Variants in CDH13 observed in about 807,000 individuals in gnomAD.
CDH13 encodes the protein cadherin 13, also known as cadherin-13.
In CDH13, 24 loss-of-function variants were observed where a neutral mutation model predicts 63.8. That is an observed-to-expected ratio of 0.38 (90% CI 0.27 to 0.53). CDH13 has a LOEUF of 0.53. Among genes scored for constraint, CDH13 ranks in the 20% least tolerant of loss-of-function variants. CDH13 has a pLI of 0.85. For missense variants in CDH13, 1,049 were observed against 903.1 expected (o/e 1.16, Z -2.07); for synonymous variants, 503 against 355.3 (o/e 1.42, Z -4.67).
intron 10 of CDH13, among the ~76,000 whole-genome samples, chr16:83,689,988 C>A (rs1904687683): frequency 6.6e-6 from 1 of 152,160 alleles, no homozygotes; most frequent in Non-Finnish European, 1.5e-5. Context: ...GAATTTGAGA[C>A]CAGCCTGACC....
chr16:82,860,130 AT>A (rs1052384128), intron 2 of CDH13, among the ~76,000 whole-genome samples: 3 of 151,480 alleles, frequency 2.0e-5, no homozygotes, highest in African/African-American at 4.9e-5. Flanking sequence ...TCTTCCTTTT[AT>A]TTTTTTTCCA....
At chr16:82,713,566 G>C (rs1341394019) in intron 1 of CDH13, among the ~76,000 whole-genome samples, 1 of 152,110 alleles carries the variant, frequency 6.6e-6, no homozygotes, top group African/African-American at 2.4e-5. Context: ...TACGGACTCA[G>C]AGGTTGCAGA....
intron 3 of CDH13, among the ~76,000 whole-genome samples, chr16:83,087,493 C>G (rs888168315): frequency 6.6e-6 from 1 of 151,926 alleles, no homozygotes; most frequent in Non-Finnish European, 1.5e-5. Context: ...CATGTCGAAA[C>G]CCTGTGTCTA....
At chr16:83,226,865 A>G (rs369442634) in intron 5 of CDH13, among the ~76,000 whole-genome samples, 1 of 152,148 alleles carries the variant, frequency 6.6e-6, no homozygotes, top group African/African-American at 2.4e-5. Context: ...GGGACCATCC[A>G]TTCCAGCTCC....
At chr16:83,080,434 A>ATCC (rs892209662) in intron 3 of CDH13, among the ~76,000 whole-genome samples, 3 of 152,114 alleles carry the variant, frequency 2.0e-5, no homozygotes, top group Non-Finnish European at 1.5e-5. Flanking sequence ...ACTACGTTCT[A>ATCC]TCCTCCTCCT....
chr16:82,797,737 G>A (rs1422888281), intron 1 of CDH13, among the ~76,000 whole-genome samples: 1 of 151,488 alleles, frequency 6.6e-6, no homozygotes, highest in Non-Finnish European at 1.5e-5. Flanking sequence ...AGTGAACAAT[G>A]CTAAGGTTTA....
intron 1 of CDH13, among the ~76,000 whole-genome samples, chr16:82,830,542 G>A (rs2038489644): frequency 6.6e-6 from 1 of 152,156 alleles, no homozygotes; most frequent in African/African-American, 2.4e-5. Context: ...CTTGTGAATG[G>A]TGAGGGGTGG....
chr16:83,629,863 G>A (rs903034985), intron 8 of CDH13, among the ~76,000 whole-genome samples: 15 of 152,258 alleles, frequency 9.9e-5, no homozygotes, highest in South Asian at 2.1e-4. Context: ...CACCTTGGCA[G>A]ATGCAGGGGA....
At chr16:82,887,748 C>A (rs796342737) in intron 2 of CDH13, among the ~76,000 whole-genome samples, 1 of 152,002 alleles carries the variant, frequency 6.6e-6, no homozygotes, top group Non-Finnish European at 1.5e-5. Flanking sequence ...TTGAACCCTG[C>A]GGATGAGAGG....
chr16:83,161,606 A>T (rs912633599), intron 4 of CDH13, among the ~76,000 whole-genome samples: 3 of 152,100 alleles, frequency 2.0e-5, no homozygotes, highest in Non-Finnish European at 4.4e-5. Context: ...AACCACCAGC[A>T]TTTGTCTTGA....
chr16:82,847,477 C>G (rs539633263), intron 1 of CDH13, among the ~76,000 whole-genome samples: 3 of 151,942 alleles, frequency 2.0e-5, no homozygotes, highest in African/African-American at 7.3e-5. Flanking sequence ...CATCTCATAA[C>G]ATATCACTCT....
chr16:83,205,788 A>G lies in CDH13; in HGVS notation c.484-11557A>G, dbSNP rs145541535. Among the ~76,000 whole-genome samples the G allele has an allele frequency of 7.9e-3, 1,208 of 152,154 alleles. 8 individuals carry two copies. The highest frequency in any genetic ancestry group is 0.02 in the Middle Eastern group (6 of 294). On this transcript the variant is annotated intron_variant, in intron 4 of 13. Coordinates refer to ENST00000567109, the MANE Select transcript of CDH13 (RefSeq NM_001257.5). The stretch of plus-strand genomic sequence containing the variant: ...CCCAGTTAATTTTTTATATTTTACT[A>G]GAGACGGGGTTTCATTATGTTGGCC...
At chr16:83,010,135 CAA>C (rs67985333) in intron 2 of CDH13, among the ~76,000 whole-genome samples, 108 of 50,088 alleles carry the variant, frequency 2.2e-3, no homozygotes, top group African/African-American at 9.1e-3. Context: ...AACTCTGTCT[CAA>C]AAAAAAAAAA....
At chr16:82,940,849 A>G (rs767141265) in intron 2 of CDH13, among the ~76,000 whole-genome samples, 2 of 152,082 alleles carry the variant, frequency 1.3e-5, no homozygotes, top group Admixed American at 6.6e-5. Context: ...CTCAAACTCA[A>G]CCCAGCTGCA....
chr16:83,609,897 G>A (rs1908699834), intron 8 of CDH13, among the ~76,000 whole-genome samples: 1 of 151,822 alleles, frequency 6.6e-6, no homozygotes, highest in Admixed American at 6.6e-5. Context: ...CCCCCACGCT[G>A]GCCACCACTG....
intron 1 of CDH13, among the ~76,000 whole-genome samples, chr16:82,687,735 G>A (rs1365608644): frequency 1.3e-5 from 2 of 152,026 alleles, no homozygotes; most frequent in Non-Finnish European, 2.9e-5. Flanking sequence ...CATATCAGTG[G>A]GATAGATATC....
At chr16:83,757,254 G>T (rs2150982881) in intron 11 of CDH13, among the ~76,000 whole-genome samples, 1 of 152,214 alleles carries the variant, frequency 6.6e-6, no homozygotes, top group South Asian at 2.1e-4. Flanking sequence ...GAAAATTCTA[G>T]AAAATAGGAA....
intron 3 of CDH13, among the ~76,000 whole-genome samples, chr16:83,051,900 T>C (rs1378247338): frequency 6.6e-6 from 1 of 152,234 alleles, no homozygotes; most frequent in Admixed American, 6.5e-5. Flanking sequence ...TTCCTTGATT[T>C]ATTTGGACTA....
At chr16:83,782,228 A>G (rs948850644) in intron 12 of CDH13, among the ~76,000 whole-genome samples, 4 of 152,180 alleles carry the variant, frequency 2.6e-5, no homozygotes, top group African/African-American at 9.6e-5. Context: ...TTAAAAATAC[A>G]TATGACCCTA....
Sources: gnomAD v4.1 joint callset for allele counts (sites outside exome capture counted in the v4.1 genomes callset) on GRCh38, gnomAD v4.1.1 for gene constraint, MANE v1.5 for transcripts, NCBI Gene and HGNC (gene_info 2026-07-23, HGNC 2026-07-21) for gene names.